The following OTOF variants were observed in gnomAD, a reference collection of about 807,000 sequenced individuals.
OTOF encodes fer-1-like family member 2.
Under a neutral mutation model 236.8 loss-of-function variants are expected in OTOF, and 218 were observed. The observed-to-expected ratio is 0.92, with a 90% CI of 0.82 to 1.03. The LOEUF is 1.03. Among genes scored for constraint, OTOF ranks in the 50% least tolerant of loss-of-function variants. The pLI, the probability that OTOF is intolerant of heterozygous loss-of-function variation, is 0.00. For missense variants in OTOF, 2,590 were observed against 2,694.4 expected (o/e 0.96, Z 0.86); for synonymous variants, 1,041 against 1,072.5 (o/e 0.97, Z 0.57).
intron 2 of OTOF, among the ~76,000 whole-genome samples, chr2:26,536,752 G>A (rs1667080846): frequency 6.6e-6 from 1 of 152,180 alleles, no homozygotes; most frequent in Non-Finnish European, 1.5e-5. Context: ...CACTATTTGA[G>A]GGTCACTACA....
At chr2:26,465,526 G>T in intron 38 of OTOF, 146 bp downstream of exon 38, 1 of 804,156 alleles carries the variant, frequency 1.2e-6, no homozygotes, top group Non-Finnish European at 2.0e-6. Context: ...CCTGAAGACT[G>T]TGCCCAGGGA....
intron 1 of OTOF, among the ~76,000 whole-genome samples, chr2:26,546,682 G>A (rs1667341150): frequency 6.6e-6 from 1 of 151,210 alleles, no homozygotes; most frequent in South Asian, 2.1e-4. Context: ...TCATTTTGTG[G>A]AGAATTGTCA....
intron 29 of OTOF, 144 bp downstream of exon 29, chr2:26,472,988 G>A (rs1665067571): frequency 1.1e-6 from 1 of 899,762 alleles, no homozygotes; most frequent in Non-Finnish European, 1.7e-6. Context: ...AGCCTTCCTT[G>A]GCCACCAGGG....
chr2:26,466,313 G>A, intron 36 of OTOF: 1 of 589,974 alleles, frequency 1.7e-6, no homozygotes, highest in Non-Finnish European at 3.0e-6. Context: ...TCCCAGTCTG[G>A]GGCTGTCAGT....
At chr2:26,528,157 G>A (rs1258880003) in intron 2 of OTOF, among the ~76,000 whole-genome samples, 2 of 152,200 alleles carry the variant, frequency 1.3e-5, no homozygotes, top group East Asian at 3.8e-4. Flanking sequence ...AGATGTTGGA[G>A]GACCTGCCCA....
At chr2:26,468,378 G>A (rs1664831259) in intron 33 of OTOF, 30 bp downstream of exon 33, 1 of 1,576,894 alleles carries the variant, frequency 6.3e-7, no homozygotes, top group Non-Finnish European at 8.7e-7. Context: ...GCGGGGAGGA[G>A]GAGGCAGAGT....
chr2:26,477,129 G>A lies in OTOF; in HGVS notation c.2523+43C>T. On this transcript the variant is annotated intron_variant, in intron 21 of 46. Coordinates refer to ENST00000272371, the MANE Select transcript of OTOF (RefSeq NM_194248.3). The surrounding 1 kb of genome is among the most constrained non-coding windows in gnomAD (Gnocchi z 4.7). Reference sequence around the variant, plus strand: ...CCCTGATCCTGAGGGGCCCCAGAGAGCCAGCCCTGGATGAGGCAAAGCCCC... The same window carrying A: ...CCCTGATCCTGAGGGGCCCCAGAGAACCAGCCCTGGATGAGGCAAAGCCCC... 2 of 1,588,496 alleles carry A rather than the reference G, an allele frequency of 1.3e-6. No individual in the cohort carries two copies. The highest frequency in any genetic ancestry group is 1.3e-5 in the African/African-American group (1 of 74,672).
intron 1 of OTOF, among the ~76,000 whole-genome samples, chr2:26,539,395 T>G (rs1468178343): frequency 6.6e-6 from 1 of 152,182 alleles, no homozygotes; most frequent in Non-Finnish European, 1.5e-5. Context: ...ACCCAAACTA[T>G]ATGCATATAT....
At position 26,470,809 on chromosome 2, in the gene OTOF, C is replaced by T. The variant is rs1664939741; in HGVS notation, c.3895-88G>A. 1 of 1,561,374 alleles carries T rather than the reference C, an allele frequency of 6.4e-7. No individual in the cohort carries two copies. ...CTCCACCCATTCCGCCATCTGTCAG[C>T]AGGAAGCCTTGGGCTCCATGAGGCT... On this transcript the variant is annotated intron_variant, in intron 31 of 46. Coordinates refer to ENST00000272371, the MANE Select transcript of OTOF (RefSeq NM_194248.3). The surrounding 1 kb of genome is among the most constrained non-coding windows in gnomAD (Gnocchi z 4.3).
Position 26,461,886 on chromosome 2 carries a change from G to T in OTOF, c.5343C>A (p.His1781Gln), listed in dbSNP as rs375826721. The T allele has an allele frequency of 3.2e-5, 52 of 1,614,052 alleles. No individual in the cohort carries two copies. The highest frequency in any genetic ancestry group is 4.4e-5 in the Non-Finnish European group (52 of 1,180,016). The change falls in exon 43 of 47, where the codon CAC becomes CAA. Residue 1781 changes from histidine (H) to glutamine (Q), a missense_variant. By Grantham distance (24) the His-to-Gln change is conservative (BLOSUM62 0). Around this residue, in one of 2 missense-constraint regions of OTOF, gnomAD observed 1,211 missense variants for 1,352.8 expected, o/e 0.90. Transcript: ENST00000272371. This position sits in a 1 kb window ranked among gnomAD's most constrained non-coding sequence, Gnocchi z 6.2. ...EDKQDTDVHY[H>Q]SLTGEGNFNW... is the part of the protein sequence containing the mutation. ...TGAAGTTGCCCTCGCCAGTGAGGGA[G>T]TGGTAGTGGACGTCTGTGTCCTGCT...
chr2:26,483,436 G>A (rs1665617632), intron 13 of OTOF, 26 bp downstream of exon 13: 1 of 1,609,558 alleles, frequency 6.2e-7, no homozygotes, highest in Non-Finnish European at 8.5e-7. Flanking sequence ...CCCAGCCCCA[G>A]CCTCCTGTAC....
chr2:26,513,240 G>C (rs1278492590), intron 5 of OTOF, among the ~76,000 whole-genome samples: 3 of 152,196 alleles, frequency 2.0e-5, no homozygotes, highest in Non-Finnish European at 4.4e-5. Flanking sequence ...TGTCACAGCA[G>C]CTGAGGCCTG....
Position 26,537,694 on chromosome 2 carries a change from G to C in OTOF, c.138+22C>G, listed in dbSNP as rs371253935. 185 of 1,542,172 alleles carry C rather than the reference G, an allele frequency of 1.2e-4. 1 individual carries two copies. The African/African-American group carries it at 2.1e-3, about 18-fold the overall frequency. ...CCCTCTGGGCTCAGGGCTGAGGGAGGGGGGAGTCTTGGGCCTCCTACCTCA... is the reference window on the plus strand; with the variant it reads ...CCCTCTGGGCTCAGGGCTGAGGGAGCGGGGAGTCTTGGGCCTCCTACCTCA... On this transcript the variant is annotated intron_variant, in intron 2 of 46. Transcript: ENST00000272371.
At position 26,480,902 on chromosome 2, in the gene OTOF, C is replaced by A. The variant is rs1404481668; in HGVS notation, c.1687G>T (p.Val563Leu). Reference sequence around the variant, plus strand: ...AGCAGGAGCCGGGCCCGGAAGGACACACCCTCCCCCAGGCCCTCGTTCAGG... The same window carrying A: ...AGCAGGAGCCGGGCCCGGAAGGACAAACCCTCCCCCAGGCCCTCGTTCAGG... ...QDLNEGLGEGVSFRARLLLGL... is the reference protein window; with the variant it reads ...QDLNEGLGEGLSFRARLLLGL... The change falls in exon 15 of 47, where the codon GTG becomes TTG. Residue 563 changes from valine (V) to leucine (L), a missense_variant. By Grantham distance (32) the Val-to-Leu change is conservative. Transcript: ENST00000272371. The A allele has an allele frequency of 6.2e-7, 1 of 1,612,848 alleles. No individual in the cohort carries two copies. Among genetic ancestry groups the A allele is most frequent in the African/African-American group, 1.3e-5 (1 of 74,940 alleles).
intron 5 of OTOF, among the ~76,000 whole-genome samples, chr2:26,511,774 C>A (rs1052675693): frequency 6.6e-5 from 10 of 152,216 alleles, no homozygotes; most frequent in African/African-American, 2.4e-4. Context: ...CCCGGCTGCC[C>A]CGGCTCATCT....
At position 26,516,556 on chromosome 2, in the gene OTOF, G is replaced by T; in HGVS notation, c.371C>A (p.Thr124Lys). 6.2e-7 allele frequency: 1 copy of T among 1,610,814 alleles called. No individual in the cohort carries two copies. The highest frequency in any genetic ancestry group is 1.1e-5 in the South Asian group (1 of 91,084). The change falls in exon 5 of 47, where the codon ACA (threonine) becomes AAA (lysine). Residue 124 changes from threonine (T) to lysine (K), a missense_variant. Coordinates refer to ENST00000272371, the MANE Select transcript of OTOF (RefSeq NM_194248.3). Reference protein sequence around the residue: ...VEVRYQATDGTVGSWDDGDFL... With the variant: ...VEVRYQATDGKVGSWDDGDFL... ...GTCCCCATCGTCCCAGGAGCCCACT[G>T]TGCCGTCAGTGGCCTGATACCGGAC... is the stretch of plus-strand genomic sequence containing the variant.
chr2:26,508,223 T>C (rs935571102), intron 5 of OTOF, among the ~76,000 whole-genome samples: 3 of 152,206 alleles, frequency 2.0e-5, no homozygotes, highest in African/African-American at 7.2e-5. Flanking sequence ...ATAGGGTCTG[T>C]GGTCCTTCTT....
At chr2:26,548,760 A>G (rs1172100154) in intron 1 of OTOF, among the ~76,000 whole-genome samples, 2 of 152,222 alleles carry the variant, frequency 1.3e-5, no homozygotes, top group Non-Finnish European at 2.9e-5. Flanking sequence ...AGTAGGTCAT[A>G]CCATGTAGCC....
At chr2:26,483,709 G>A in intron 12 of OTOF, 61 bp from the exon 13 acceptor site, 2 of 1,463,480 alleles carry the variant, frequency 1.4e-6, no homozygotes, top group Non-Finnish European at 1.9e-6. Flanking sequence ...CCCCATCCTG[G>A]CATCTACACA....
Sources: allele counts gnomAD v4.1 joint callset (sites outside exome capture counted in the v4.1 genomes callset), GRCh38; gene constraint gnomAD v4.1.1; regional missense constraint gnomAD v4.1.1; non-coding constraint Gnocchi (gnomAD v3.1); transcripts MANE v1.5; gene names NCBI Gene and HGNC (gene_info 2026-07-23, HGNC 2026-07-21).